Variants in DLC1 observed in about 807,000 individuals in gnomAD.
DLC1 encodes the protein rho GTPase-activating protein 7.
DLC1 carries 54 observed loss-of-function variants against 140.3 expected under a neutral mutation model. The ratio of observed to expected loss-of-function variants is 0.38; its 90% confidence interval spans 0.31 to 0.48. The LOEUF (loss-of-function observed/expected upper bound fraction) is 0.48, where lower values mean the gene tolerates loss of function less well. Among genes scored for constraint, DLC1 ranks in the 20% least tolerant of loss-of-function variants. The pLI is 0.96. For synonymous variants in DLC1, 986 were observed against 728.1 expected (o/e 1.35, Z -5.70); for missense variants, 2,536 against 1,907.0 (o/e 1.33, Z -6.14).
At position 13,100,598 on chromosome 8, in the gene DLC1, C is replaced by T. The variant is rs1224102610; in HGVS notation, c.1739G>A (p.Gly580Asp). 6.2e-7 allele frequency: 1 copy of T among 1,613,870 alleles called. No homozygotes were observed. Among genetic ancestry groups the T allele is most frequent in the South Asian group, 1.1e-5 (1 of 91,036 alleles). Residue 580 changes from glycine (G) to aspartate (D), a missense_variant, in exon 9 of 18, where the codon GGC becomes GAC. Gly to Asp is a moderately conservative substitution (Grantham distance 94). Coordinates refer to ENST00000276297, the MANE Select transcript of DLC1 (RefSeq NM_182643.3). ...SHPKDGPSPGGTLMDLSERQE... is the reference protein window; with the variant it reads ...SHPKDGPSPGDTLMDLSERQE... ...GCGCTCGCTGAGGTCCATCAGCGTG[C>T]CTCCGGGGCTGGGGCCGTCCTTCGG...
chr8:13,545,789 T>A (rs555234380), intron 1 of DLC1, among the ~76,000 whole-genome samples: 3 of 152,294 alleles, frequency 2.0e-5, no homozygotes, highest in Non-Finnish European at 2.9e-5. Context: ...TTGTTTGTGA[T>A]GTTTAAAGAA....
chr8:13,525,972 T>C (rs368545977), intron 1 of DLC1, among the ~76,000 whole-genome samples: 3 of 152,174 alleles, frequency 2.0e-5, no homozygotes, highest in African/African-American at 4.8e-5. Context: ...ACCTAGGTTC[T>C]ATGACATATG....
upstream of DLC1, among the ~76,000 whole-genome samples, chr8:13,516,683 T>C (rs1392147885): frequency 6.6e-6 from 1 of 152,212 alleles, no homozygotes; most frequent in African/African-American, 2.4e-5. Context: ...TAGGTTTCTT[T>C]AATTTAATCT....
At chr8:13,346,174 A>G (rs554401974) in intron 4 of DLC1, among the ~76,000 whole-genome samples, 10 of 152,356 alleles carry the variant, frequency 6.6e-5, no homozygotes, top group African/African-American at 2.4e-4. Flanking sequence ...AGATAGCCTT[A>G]ACCTTGGTTA....
At chr8:13,133,041 G>T in intron 5 of DLC1, 1 of 1,577,260 alleles carries the variant, frequency 6.3e-7, no homozygotes, top group South Asian at 1.2e-5. Flanking sequence ...GAGGCGGCTC[G>T]GCTTCCGCGT....
intron 4 of DLC1, among the ~76,000 whole-genome samples, chr8:13,364,749 C>G (rs573701801): frequency 1.3e-5 from 2 of 152,172 alleles, no homozygotes; most frequent in African/African-American, 4.8e-5. Context: ...TCTTTGTCAG[C>G]CTTTCAAAGA....
chr8:13,164,048 G>T (rs963150221), intron 5 of DLC1, among the ~76,000 whole-genome samples: 7 of 152,100 alleles, frequency 4.6e-5, no homozygotes, highest in African/African-American at 1.7e-4. Context: ...TGCAATCCCA[G>T]CGCTTTGGGA....
At chr8:13,264,686 A>G (rs1335476186) in intron 5 of DLC1, among the ~76,000 whole-genome samples, 2 of 152,338 alleles carry the variant, frequency 1.3e-5, no homozygotes, top group East Asian at 3.9e-4. Flanking sequence ...TGGTAGATAC[A>G]TGAGAATCTT....
chr8:13,285,085 A>C (rs1831494497), intron 5 of DLC1, among the ~76,000 whole-genome samples: 1 of 152,186 alleles, frequency 6.6e-6, no homozygotes, highest in Non-Finnish European at 1.5e-5. Flanking sequence ...CAATTTTGAA[A>C]GTGAAGAGTG....
At chr8:13,384,084 G>T (rs904647578) in intron 4 of DLC1, among the ~76,000 whole-genome samples, 1 of 152,194 alleles carries the variant, frequency 6.6e-6, no homozygotes, top group Non-Finnish European at 1.5e-5. Context: ...CTTTCATGAG[G>T]TTGCGTTATT....
chr8:13,589,133 A>G (rs1805429484), intron 1 of DLC1, among the ~76,000 whole-genome samples: 1 of 152,230 alleles, frequency 6.6e-6, no homozygotes, highest in African/African-American at 2.4e-5. Flanking sequence ...CACACGATCC[A>G]TATTCTTCAT....
At chr8:13,283,531 T>C (rs553962759) in intron 5 of DLC1, among the ~76,000 whole-genome samples, 29 of 152,324 alleles carry the variant, frequency 1.9e-4, no homozygotes, top group Non-Finnish European at 2.9e-5. Flanking sequence ...TTCTTTCTTT[T>C]TTGAGACAAG....
intron 5 of DLC1, among the ~76,000 whole-genome samples, chr8:13,202,576 C>A (rs1827450214): frequency 6.6e-6 from 1 of 152,162 alleles, no homozygotes; most frequent in African/African-American, 2.4e-5. Flanking sequence ...TATCTTTTCC[C>A]TCCTATTTAA....
At chr8:13,564,780 C>T (rs537493123) in intron 1 of DLC1, among the ~76,000 whole-genome samples, 5 of 152,240 alleles carry the variant, frequency 3.3e-5, no homozygotes, top group Admixed American at 2.0e-4. Flanking sequence ...GACCCTTGGC[C>T]CTGCTCTCTG....
intron 5 of DLC1, among the ~76,000 whole-genome samples, chr8:13,169,945 G>T (rs934952775): frequency 2.0e-5 from 3 of 151,952 alleles, no homozygotes; most frequent in Non-Finnish European, 2.9e-5. Flanking sequence ...ACTTGAGTCT[G>T]GGAGGTCAAG....
At chr8:13,316,733 G>A (rs1671405) in intron 4 of DLC1, among the ~76,000 whole-genome samples, 4,789 of 152,138 alleles carry the variant, frequency 0.031, 237 homozygotes, top group African/African-American at 0.11. Flanking sequence ...CTCCTCTCTG[G>A]GTTCTTTACT....
At chr8:13,193,733 T>G (rs1007154851) in intron 5 of DLC1, among the ~76,000 whole-genome samples, 2 of 152,186 alleles carry the variant, frequency 1.3e-5, no homozygotes, top group African/African-American at 4.8e-5. Context: ...CTTTGAGTGC[T>G]TAATTTTTGG....
chr8:13,114,885 G>A (rs1008514319), intron 6 of DLC1, among the ~76,000 whole-genome samples: 1 of 152,202 alleles, frequency 6.6e-6, no homozygotes, highest in Non-Finnish European at 1.5e-5. Context: ...AGATTGGTAA[G>A]AGTGAAAATT....
At position 13,089,950 on chromosome 8, in the gene DLC1, C is replaced by T. The variant is rs143648734; in HGVS notation, c.4074+302G>A. Among the ~76,000 whole-genome samples, 478 of 152,292 alleles carry T rather than the reference C, an allele frequency of 3.1e-3. 4 individuals carry two copies. Among genetic ancestry groups the T allele is most frequent in the African/African-American group, 0.011 (452 of 41,546 alleles). On this transcript the variant is annotated intron_variant, in intron 15 of 17. Transcript: ENST00000276297. ...AATCGAAGCGTGTCATAGGATGTTC[C>T]GCATCTCAATGCCATTAGCAAAACA...
Sources: allele counts gnomAD v4.1 joint callset (sites outside exome capture counted in the v4.1 genomes callset), GRCh38; gene constraint gnomAD v4.1.1; transcripts MANE v1.5; gene names NCBI Gene and HGNC (gene_info 2026-07-23, HGNC 2026-07-21).